Variants in DCAF4 observed in about 807,000 individuals in gnomAD.
DCAF4 encodes DDB1- and CUL4-associated factor 4.
DCAF4 carries 37 observed loss-of-function variants against 60.9 expected under a neutral mutation model. The observed-to-expected ratio is 0.61, with a 90% CI of 0.47 to 0.80. The LOEUF is 0.80. DCAF4 is among the 30% of genes least tolerant of loss of function. DCAF4 has a pLI of 0.00. For missense variants in DCAF4, 577 were observed against 650.0 expected (o/e 0.89, Z 1.22); for synonymous variants, 243 against 254.8 (o/e 0.95, Z 0.44).
chr14:72,961,455 T>C (rs1892817367), downstream of DCAF4, among the ~76,000 whole-genome samples: 1 of 152,220 alleles, frequency 6.6e-6, no homozygotes, highest in African/African-American at 2.4e-5. Context: ...CATGATCCTT[T>C]GTACCATTTG....
At position 72,959,150 on chromosome 14, in the gene DCAF4, G is replaced by C. The variant is rs1013940072; in HGVS notation, c.*345G>C. 4.0e-6 allele frequency: 4 copies of C among 1,009,824 alleles called. No homozygotes were observed. Among genetic ancestry groups the C allele is most frequent in the Admixed American group, 1.1e-4 (2 of 18,768 alleles). 62.6% of individuals were successfully genotyped at this position (1,009,824 alleles called of 1,614,324 possible). A position where few individuals can be genotyped will look rare whatever the true frequency, so the allele number is the denominator to read the frequency against. On this transcript the variant is annotated 3_prime_UTR_variant, in exon 14 of 14. Coordinates refer to ENST00000358377, the MANE Select transcript of DCAF4 (RefSeq NM_015604.4). ...AAAAACGAAAAGCTTCTTCCTCCAA[G>C]AGCCCATTGAAGAAGCCCAGTGATG... is the stretch of plus-strand genomic sequence containing the variant.
chr14:72,958,671 A>G lies in DCAF4; in HGVS notation c.1354A>G (p.Ile452Val). The G allele has an allele frequency of 6.2e-7, 1 of 1,614,158 alleles. No individual in the cohort carries two copies. Residue 452 changes from isoleucine to valine, a missense_variant, in exon 14 of 14, where the codon ATA (isoleucine) becomes GTA (valine). By Grantham distance (29) the Ile-to-Val change is conservative (BLOSUM62 3). Transcript: ENST00000358377. The part of the protein sequence containing the change: ...SLHDARLLRT[I>V]PSPYPASKAD... ...CCACGATGCCCGCCTACTGAGAACC[A>G]TACCCTCCCCGTACCCTGCCTCCAA...
At chr14:72,929,953 C>T (rs1156795014) in intron 1 of DCAF4, 4 of 893,650 alleles carry the variant, frequency 4.5e-6, no homozygotes, top group Non-Finnish European at 6.9e-6. Flanking sequence ...CCATGGCGGC[C>T]GTGGCGGAAG....
intron 11 of DCAF4, 71 bp from the exon 12 acceptor site, chr14:72,955,452 G>C (rs1037391013): frequency 2.6e-6 from 4 of 1,551,862 alleles, no homozygotes; most frequent in Non-Finnish European, 3.5e-6. Flanking sequence ...GTTGTATCAG[G>C]AGGACCTGCC....
At chr14:72,929,955 T>TG in intron 1 of DCAF4, 1 of 858,894 alleles carries the variant, frequency 1.2e-6, no homozygotes, top group Non-Finnish European at 1.8e-6. Context: ...ATGGCGGCCG[T>TG]GGCGGAAGGC....
At chr14:72,962,018 A>T, downstream of DCAF4, 4 of 1,088,386 alleles carry the variant, frequency 3.7e-6, no homozygotes, top group Non-Finnish European at 3.4e-6. Context: ...TTCCCTTCAT[A>T]GCCCTCAACC....
chr14:72,933,007 G>A (rs1011859746), intron 1 of DCAF4, among the ~76,000 whole-genome samples: 1 of 152,140 alleles, frequency 6.6e-6, no homozygotes, highest in Admixed American at 6.6e-5. Context: ...CCGAGCAGCT[G>A]GGATTATAGG....
chr14:72,953,735 AT>A lies in DCAF4; in HGVS notation c.809-428del, dbSNP rs1567325057. ...AAAAAAAAAAAAAAAAAAAAAAAAT[AT>A]ATATATATATATATATATATATATA... On this transcript the variant is annotated intron_variant, in intron 9 of 13. Transcript: ENST00000358377. Among the ~76,000 whole-genome samples the A allele has an allele frequency of 1.4e-3, 24 of 17,510 alleles. 6 individuals are homozygous for A. Among genetic ancestry groups the A allele is most frequent in the Non-Finnish European group, 2.3e-3 (21 of 9,132 alleles). 11.5% of individuals were successfully genotyped at this position (17,510 alleles called of 152,430 possible).
chr14:72,933,966 C>T (rs1888913852), intron 1 of DCAF4, among the ~76,000 whole-genome samples: 1 of 152,142 alleles, frequency 6.6e-6, no homozygotes, highest in African/African-American at 2.4e-5. Context: ...TACTTGTCAC[C>T]CCATGCCGCT....
intron 11 of DCAF4, 106 bp from the exon 12 acceptor site, chr14:72,955,417 G>A (rs745345828): frequency 1.8e-5 from 24 of 1,365,818 alleles, no homozygotes; most frequent in South Asian, 1.2e-4. Flanking sequence ...TAATCACACC[G>A]TCTGACCCAG....
intron 6 of DCAF4, among the ~76,000 whole-genome samples, chr14:72,944,886 C>T (rs1416611397): frequency 2.0e-5 from 3 of 151,730 alleles, no homozygotes; most frequent in Non-Finnish European, 2.9e-5. Flanking sequence ...GTCAGGAGTT[C>T]GAGACCAGCC....
intron 1 of DCAF4, among the ~76,000 whole-genome samples, chr14:72,927,301 C>A (rs1452711350): frequency 6.6e-6 from 1 of 150,842 alleles, no homozygotes; most frequent in Non-Finnish European, 1.5e-5. Flanking sequence ...GTCCCAAACT[C>A]TGATTTTAAA....
At chr14:72,936,199 A>T (rs1889242743) in intron 1 of DCAF4, among the ~76,000 whole-genome samples, 1 of 152,240 alleles carries the variant, frequency 6.6e-6, no homozygotes, top group African/African-American at 2.4e-5. Flanking sequence ...TAGCTGGGGT[A>T]TAAGATAACT....
At chr14:72,943,926 C>T (rs1033928445) in intron 6 of DCAF4, among the ~76,000 whole-genome samples, 1 of 152,180 alleles carries the variant, frequency 6.6e-6, no homozygotes, top group African/African-American at 2.4e-5. Context: ...CACAGCAGGG[C>T]CCTTCCATGT....
At chr14:72,952,222 G>A (rs764410576) in intron 9 of DCAF4, among the ~76,000 whole-genome samples, 47 of 152,186 alleles carry the variant, frequency 3.1e-4, no homozygotes, top group South Asian at 6.2e-4. Flanking sequence ...GTCTGCCTAC[G>A]TTAAGGCAAT....
At chr14:72,947,438 G>T (rs573975930) in intron 8 of DCAF4, among the ~76,000 whole-genome samples, 2 of 152,344 alleles carry the variant, frequency 1.3e-5, no homozygotes, top group African/African-American at 4.8e-5. Context: ...TCACTGTGTG[G>T]CAGACACTGT....
chr14:72,936,829 A>G (rs1246322970), intron 1 of DCAF4, among the ~76,000 whole-genome samples: 1 of 152,208 alleles, frequency 6.6e-6, no homozygotes, highest in Non-Finnish European at 1.5e-5. Flanking sequence ...GGACAGAACA[A>G]TGGAAAGCAC....
intron 9 of DCAF4, among the ~76,000 whole-genome samples, chr14:72,952,634 G>T (rs1264135986): frequency 6.6e-6 from 1 of 152,014 alleles, no homozygotes; most frequent in Non-Finnish European, 1.5e-5. Flanking sequence ...GTAGTAATTG[G>T]GAAAGGGATG....
In DCAF4 at chr14:72,959,524, A is replaced by G. The variant is rs764890039; in HGVS notation, c.*719A>G. On this transcript the variant is annotated 3_prime_UTR_variant, in exon 14 of 14. Transcript: ENST00000358377. ...TTACGGTGACTTGAATGTCAGATTC[A>G]AGGGCCCGGCGTCAAAGGAAATTGG... The G allele has an allele frequency of 7.0e-5, 69 of 985,444 alleles. No individual in the cohort carries two copies. The highest frequency in any genetic ancestry group is 7.8e-5 in the Non-Finnish European group (65 of 829,944). 61.0% of individuals were successfully genotyped at this position (985,444 alleles called of 1,614,324 possible).
Sources: gnomAD v4.1 joint callset for allele counts (sites outside exome capture counted in the v4.1 genomes callset) on GRCh38, gnomAD v4.1.1 for gene constraint, MANE v1.5 for transcripts, NCBI Gene and HGNC (gene_info 2026-07-23, HGNC 2026-07-21) for gene names.